Variants in PCDHGA9 observed in about 807,000 individuals in gnomAD.
PCDHGA9 encodes the protein protocadherin gamma-A9.
In PCDHGA9, 37 loss-of-function variants were observed where a neutral mutation model predicts 62.5. That is an observed-to-expected ratio of 0.59 (90% CI 0.46 to 0.78). The LOEUF is 0.78. Among genes scored for constraint, PCDHGA9 ranks in the 30% least tolerant of loss-of-function variants. The pLI is 0.00. For synonymous variants in PCDHGA9, 459 were observed against 484.6 expected (o/e 0.95, Z 0.69); for missense variants, 1,138 against 1,166.2 (o/e 0.98, Z 0.35).
chr5:141,409,203 T>TC, intron 1 of PCDHGA9: 1 of 1,613,964 alleles, frequency 6.2e-7, no homozygotes, highest in Non-Finnish European at 8.5e-7. Context: ...TGTAAAGTAA[T>TC]CATAGAAATC....
chr5:141,490,243 G>A lies in PCDHGA9; in HGVS notation c.2425-4564G>A, dbSNP rs1431165990. 1 of 1,614,238 alleles carries A rather than the reference G, an allele frequency of 6.2e-7. No individual in the cohort carries two copies. The highest frequency in any genetic ancestry group is 8.5e-7 in the Non-Finnish European group (1 of 1,180,038). The stretch of plus-strand genomic sequence containing the variant: ...ACAGCCTGCCATGGAGGGCCACTGT[G>A]TGATTCAAGTGGATGTGGGGGATGT... On this transcript the variant is annotated intron_variant, in intron 1 of 3. Coordinates refer to ENST00000573521, the MANE Select transcript of PCDHGA9 (RefSeq NM_018921.3). This position sits in a 1 kb window ranked among gnomAD's most constrained non-coding sequence, Gnocchi z 5.4.
rs2233603 is a variant in PCDHGA9 at position 141,490,063 on chromosome 5, G to A, written c.2425-4744G>A. 1,259 of 1,614,208 alleles carry A rather than the reference G, an allele frequency of 7.8e-4. 6 individuals carry two copies. The African/African-American group carries it at 0.013, about 16-fold the overall frequency. On this transcript the variant is annotated intron_variant, in intron 1 of 3. Transcript: ENST00000573521. The surrounding 1 kb of genome is among the most constrained non-coding windows in gnomAD (Gnocchi z 5.4). ...CACTGATCCAGACGAGGGCACCAAC[G>A]GCCAACTAGACTATTCTTTTGGAGA...
chr5:141,409,867 C>A (rs376725837), intron 1 of PCDHGA9: 201 of 1,612,544 alleles, frequency 1.2e-4, no homozygotes, highest in Middle Eastern at 8.2e-4. Context: ...TGGGAGACCG[C>A]AATGACAACG....
At chr5:141,456,224 A>ACT (rs1167290500) in intron 1 of PCDHGA9, among the ~76,000 whole-genome samples, 1 of 152,034 alleles carries the variant, frequency 6.6e-6, no homozygotes, top group Non-Finnish European at 1.5e-5. Context: ...GCGATATCAA[A>ACT]CTAACTGCTG....
At chr5:141,456,936 C>G (rs1012944904) in intron 1 of PCDHGA9, among the ~76,000 whole-genome samples, 20 of 152,190 alleles carry the variant, frequency 1.3e-4, no homozygotes, top group African/African-American at 4.3e-4. Context: ...GCACTCCAGC[C>G]TGGGCAACAG....
chr5:141,408,439 G>A (rs1057408625), intron 1 of PCDHGA9: 4 of 1,613,950 alleles, frequency 2.5e-6, no homozygotes, highest in Non-Finnish European at 3.4e-6. Flanking sequence ...GCGTAGACGC[G>A]GAGAGCGGGG....
chr5:141,433,883 G>A (rs1051019240), intron 1 of PCDHGA9, among the ~76,000 whole-genome samples: 1 of 149,932 alleles, frequency 6.7e-6, no homozygotes, highest in Non-Finnish European at 1.5e-5. Flanking sequence ...ATCCATTGAT[G>A]ACACTTGCTT....
intron 3 of PCDHGA9, among the ~76,000 whole-genome samples, chr5:141,509,066 C>A (rs1215686419): frequency 6.6e-6 from 1 of 152,172 alleles, no homozygotes; most frequent in Non-Finnish European, 1.5e-5. Context: ...GCTCTCAGCT[C>A]CGGGGATTTG....
chr5:141,412,963 G>A (rs1387713187), intron 1 of PCDHGA9: 2 of 518,110 alleles, frequency 3.9e-6, no homozygotes, highest in South Asian at 3.3e-5. Context: ...TCACCTACTA[G>A]GAGAGAAAAC....
At chr5:141,488,859 G>A (rs1033425540) in intron 1 of PCDHGA9, among the ~76,000 whole-genome samples, 12 of 152,204 alleles carry the variant, frequency 7.9e-5, no homozygotes, top group African/African-American at 2.9e-4. Context: ...GCAGCACGAA[G>A]TGAGTGGGGA....
In PCDHGA9 at chr5:141,403,718, C is replaced by T. The variant is rs77227638; in HGVS notation, c.766C>T (p.Pro256Ser). 9.8e-3 allele frequency: 15,884 copies of T among 1,613,838 alleles called. 137 individuals carry two copies. The highest frequency in any genetic ancestry group is 0.011 in the Non-Finnish European group (12,686 of 1,179,868). ...CCGAGTTAAAGTCCTTGAGAACGTG[C>T]CCCCAGGCACCTGGCTGCTTACTGC... Reference protein sequence around the residue: ...IYRVKVLENVPPGTWLLTATA... With the variant: ...IYRVKVLENVSPGTWLLTATA... The change falls in exon 1 of 4, where the codon CCC (proline) becomes TCC (serine). Residue 256 changes from proline to serine, a missense_variant. Pro to Ser is a moderately conservative substitution (Grantham distance 74). Coordinates refer to ENST00000573521, the MANE Select transcript of PCDHGA9 (RefSeq NM_018921.3).
At chr5:141,509,096 T>C (rs1364889034) in intron 3 of PCDHGA9, among the ~76,000 whole-genome samples, 1 of 152,124 alleles carries the variant, frequency 6.6e-6, no homozygotes, top group African/African-American at 2.4e-5. Context: ...ATGGGGGCTG[T>C]AGAAACCTGA....
At position 141,436,288 on chromosome 5, in the gene PCDHGA9, C is replaced by T. The variant is rs533281663; in HGVS notation, c.2424+30912C>T. On this transcript the variant is annotated intron_variant, in intron 1 of 3. Coordinates refer to ENST00000573521, the MANE Select transcript of PCDHGA9 (RefSeq NM_018921.3). ...CACCTAACTTGATTTAGGAACAAATCATTGAGAGTTAGAGCATGAATAGTC... is the reference window on the plus strand; with the variant it reads ...CACCTAACTTGATTTAGGAACAAATTATTGAGAGTTAGAGCATGAATAGTC... 3.9e-3 allele frequency among the ~76,000 whole-genome samples: 590 copies of T among 152,274 alleles called. 9 individuals are homozygous for T. Among genetic ancestry groups the T allele is most frequent in the Middle Eastern group, 0.01 (3 of 294 alleles).
intron 1 of PCDHGA9, among the ~76,000 whole-genome samples, chr5:141,452,416 C>T (rs2098741061): frequency 6.6e-6 from 1 of 152,144 alleles, no homozygotes; most frequent in African/African-American, 2.4e-5. Context: ...GAGGTATGCT[C>T]ACTGCTAATG....
At chr5:141,482,530 CAAAAAAAAA>C (rs3074545) in intron 1 of PCDHGA9, among the ~76,000 whole-genome samples, 16 of 76,560 alleles carry the variant, frequency 2.1e-4, no homozygotes, top group African/African-American at 7.7e-4. Context: ...GACAGACATG[CAAAAAAAAA>C]AAAAAAAAAA....
rs1367772661 is a variant in PCDHGA9, at chr5:141,512,193, GGAAGCTC to G, written c.*1026_*1032del. 2.0e-5 allele frequency: 3 copies of G among 152,756 alleles called. No homozygotes were observed. Among genetic ancestry groups the G allele is most frequent in the Non-Finnish European group, 4.4e-5 (3 of 68,136 alleles). 9.5% of individuals were successfully genotyped at this position (152,756 alleles called of 1,614,324 possible). ...GGATTAAACTGGCATTTCAGTCCAAGGAAGCTCGAAGCAGGTTTAGGACCAGGTCCCC... is the reference window on the plus strand; with the variant it reads ...GGATTAAACTGGCATTTCAGTCCAAGGAAGCAGGTTTAGGACCAGGTCCCC... On this transcript the variant is annotated 3_prime_UTR_variant, in exon 4 of 4. Coordinates refer to ENST00000573521, the MANE Select transcript of PCDHGA9 (RefSeq NM_018921.3).
chr5:141,489,380 A>T lies in PCDHGA9; in HGVS notation c.2425-5427A>T, dbSNP rs753226956. 1 of 1,613,874 alleles carries T rather than the reference A, an allele frequency of 6.2e-7. No homozygotes were observed. The highest frequency in any genetic ancestry group is 2.2e-5 in the East Asian group (1 of 44,872). On this transcript the variant is annotated intron_variant, in intron 1 of 3. Transcript: ENST00000573521. The surrounding 1 kb of genome is among the most constrained non-coding windows in gnomAD (Gnocchi z 4.5). ...TCTGAGCCGGGGACGCTGGTGGGGA[A>T]TGTTGCTCAGGATCTGGGCTTAAAG... is the stretch of plus-strand genomic sequence containing the variant.
intron 1 of PCDHGA9, chr5:141,423,835 C>T (rs1371309974): frequency 1.2e-5 from 15 of 1,278,290 alleles, no homozygotes; most frequent in African/African-American, 9.4e-5. Flanking sequence ...CATGAGATTA[C>T]GATAATCTTT....
Position 141,491,880 on chromosome 5 carries a change from G to C in PCDHGA9, c.2425-2927G>C. ...GCGAAACCAGAGTGGCCGATTAAGG[G>C]ATGGGGCTCCGAGCACCGGGGGTGG... On this transcript the variant is annotated intron_variant, in intron 1 of 3. Transcript: ENST00000573521. This position sits in a 1 kb window ranked among gnomAD's most constrained non-coding sequence, Gnocchi z 6.9. 1 of 1,449,834 alleles carries C rather than the reference G, an allele frequency of 6.9e-7. No individual in the cohort carries two copies. 89.8% of individuals were successfully genotyped at this position (1,449,834 alleles called of 1,614,324 possible).
Sources: allele counts gnomAD v4.1 joint callset (sites outside exome capture counted in the v4.1 genomes callset), GRCh38; gene constraint gnomAD v4.1.1; non-coding constraint Gnocchi (gnomAD v3.1); transcripts MANE v1.5; gene names NCBI Gene and HGNC (gene_info 2026-07-23, HGNC 2026-07-21).